The following ZBTB7C variants were observed in gnomAD, a reference collection of about 807,000 sequenced individuals.
ZBTB7C encodes zinc finger and BTB domain containing 7C.
In ZBTB7C, 8 loss-of-function variants were observed where a neutral mutation model predicts 25.7. The ratio of observed to expected loss-of-function variants is 0.31; its 90% CI spans 0.18 to 0.56. ZBTB7C has a LOEUF of 0.56. Among genes scored for constraint, ZBTB7C ranks in the 20% least tolerant of loss-of-function variants. ZBTB7C has a pLI of 0.91. For synonymous variants in ZBTB7C, 394 were observed against 369.0 expected (o/e 1.07, Z -0.78); for missense variants, 824 against 855.2 (o/e 0.96, Z 0.46).
chr18:48,096,606 A>C (rs2038642862), intron 3 of ZBTB7C, among the ~76,000 whole-genome samples: 1 of 152,202 alleles, frequency 6.6e-6, no homozygotes, highest in Non-Finnish European at 1.5e-5. Flanking sequence ...TGCTGGGGCA[A>C]CTACTCCACT....
intron 3 of ZBTB7C, among the ~76,000 whole-genome samples, chr18:48,082,790 G>C (rs2038041466): frequency 6.6e-6 from 1 of 152,144 alleles, no homozygotes; most frequent in Admixed American, 6.5e-5. Context: ...CAGAGGCCTA[G>C]AGCAAGGCCT....
chr18:48,032,009 C>T (rs911774190), intron 4 of ZBTB7C, among the ~76,000 whole-genome samples: 1 of 152,214 alleles, frequency 6.6e-6, no homozygotes, highest in Non-Finnish European at 1.5e-5. Flanking sequence ...GGCTGGGCTC[C>T]CTCACCAGGC....
intron 1 of ZBTB7C, among the ~76,000 whole-genome samples, chr18:48,352,485 G>T: frequency 6.6e-6 from 1 of 152,176 alleles, no homozygotes; most frequent in East Asian, 1.9e-4. Flanking sequence ...CCTCCAGAAA[G>T]TTCCCATCCC....
At chr18:48,051,928 C>T (rs67466227) in intron 3 of ZBTB7C, among the ~76,000 whole-genome samples, 1 of 151,710 alleles carries the variant, frequency 6.6e-6, no homozygotes, top group Non-Finnish European at 1.5e-5. Flanking sequence ...TTCTAGGGGG[C>T]AGTGGGGGGA....
chr18:48,120,273 G>A (rs2039585002), intron 3 of ZBTB7C, among the ~76,000 whole-genome samples: 1 of 152,178 alleles, frequency 6.6e-6, no homozygotes, highest in Non-Finnish European at 1.5e-5. Flanking sequence ...AGGGTGACAG[G>A]AGATGAGGTG....
At chr18:48,222,566 A>T (rs7240208) in intron 2 of ZBTB7C, among the ~76,000 whole-genome samples, 1 of 152,124 alleles carries the variant, frequency 6.6e-6, no homozygotes, top group African/African-American at 2.4e-5. Flanking sequence ...AATTAAGCTC[A>T]TGGAAGCTCG....
At chr18:48,062,226 C>T (rs551327773) in intron 3 of ZBTB7C, among the ~76,000 whole-genome samples, 83 of 152,178 alleles carry the variant, frequency 5.5e-4, no homozygotes, top group Non-Finnish European at 9.0e-4. Flanking sequence ...TGAAACATGC[C>T]ATTGTGTTCC....
chr18:48,410,494 G>T (rs1302532075), upstream of ZBTB7C, among the ~76,000 whole-genome samples: 1 of 152,232 alleles, frequency 6.6e-6, no homozygotes, highest in African/African-American at 2.4e-5. Context: ...GTCTGTCGGG[G>T]CAGGAGAATC....
At chr18:48,092,448 G>A (rs1483301194) in intron 3 of ZBTB7C, among the ~76,000 whole-genome samples, 3 of 152,360 alleles carry the variant, frequency 2.0e-5, no homozygotes, top group Middle Eastern at 6.8e-3. Context: ...AAGAAAGCAA[G>A]TTGAAGTTTT....
At chr18:48,322,834 G>GTA (rs201847068) in intron 2 of ZBTB7C, among the ~76,000 whole-genome samples, 45 of 151,686 alleles carry the variant, frequency 3.0e-4, no homozygotes, top group East Asian at 2.1e-3. Context: ...AGCAACTGTG[G>GTA]TATATATATA....
intron 3 of ZBTB7C, among the ~76,000 whole-genome samples, chr18:48,074,549 C>A (rs78095491): frequency 6.6e-6 from 1 of 152,230 alleles, no homozygotes; most frequent in African/African-American, 2.4e-5. Flanking sequence ...CAGAACCGCA[C>A]AGCCCTGTGT....
At chr18:48,347,124 G>GTTTTTTTTTT (rs1158209713) in intron 1 of ZBTB7C, among the ~76,000 whole-genome samples, 460 of 80,404 alleles carry the variant, frequency 5.7e-3, no homozygotes, top group East Asian at 0.011. Flanking sequence ...GTTTTTGTTT[G>GTTTTTTTTTT]TTTTTTTTTT....
chr18:48,192,343 T>G (rs1230258224), intron 2 of ZBTB7C, among the ~76,000 whole-genome samples: 1 of 152,222 alleles, frequency 6.6e-6, no homozygotes, highest in African/African-American at 2.4e-5. Flanking sequence ...AGAGGATTTT[T>G]AAGGCAGTGG....
chr18:48,286,043 T>C (rs2045040083), intron 2 of ZBTB7C, among the ~76,000 whole-genome samples: 1 of 152,230 alleles, frequency 6.6e-6, no homozygotes, highest in African/African-American at 2.4e-5. Flanking sequence ...TCAGACTACA[T>C]TCATTTTTTC....
chr18:48,258,662 AT>A (rs964648524), intron 2 of ZBTB7C, among the ~76,000 whole-genome samples: 91 of 151,432 alleles, frequency 6.0e-4, no homozygotes, highest in African/African-American at 2.2e-3. Flanking sequence ...ATCCCAGCAT[AT>A]TTTTTTTTCT....
intron 2 of ZBTB7C, among the ~76,000 whole-genome samples, chr18:48,203,156 G>A (rs1259333837): frequency 6.6e-6 from 1 of 152,100 alleles, no homozygotes; most frequent in Non-Finnish European, 1.5e-5. Flanking sequence ...CCCCTTTTCT[G>A]CCCGGGGCCT....
intron 1 of ZBTB7C, chr18:48,346,793 C>CT (rs527780451): frequency 0.17 from 25,483 of 147,160 alleles, 2,227 homozygotes; most frequent in African/African-American, 0.22. Context: ...TTTCTTTTTC[C>CT]TTTTTTTTTT....
At chr18:48,031,730 C>T (rs2035758404) in intron 4 of ZBTB7C, among the ~76,000 whole-genome samples, 2 of 152,272 alleles carry the variant, frequency 1.3e-5, no homozygotes, top group African/African-American at 4.8e-5. Flanking sequence ...GTCCGTGGAC[C>T]CCACACTGAG....
intron 2 of ZBTB7C, among the ~76,000 whole-genome samples, chr18:48,225,978 C>T (rs562200729): frequency 1.2e-4 from 18 of 152,282 alleles, no homozygotes; most frequent in African/African-American, 2.9e-4. Flanking sequence ...CTTGACCTCG[C>T]GATCCACCCG....
Sources: allele counts gnomAD v4.1 joint callset (sites outside exome capture counted in the v4.1 genomes callset), GRCh38; gene constraint gnomAD v4.1.1; transcripts MANE v1.5; gene names NCBI Gene and HGNC (gene_info 2026-07-23, HGNC 2026-07-21).